ITPR1: variants seen among roughly 807,000 people sequenced by gnomAD.
ITPR1 encodes inositol 1,4,5-trisphosphate-gated calcium channel ITPR1.
In ITPR1, 96 loss-of-function variants were observed where a neutral mutation model predicts 318.4. The observed-to-expected ratio is 0.30, with a 90% CI of 0.26 to 0.36. The LOEUF is 0.36. ITPR1 is among the 10% of genes least tolerant of loss of function. The probability of loss-of-function intolerance (pLI) is 1.00; values close to 1 mark genes in which losing one functional copy is unlikely to be tolerated. For synonymous variants in ITPR1, 1,312 were observed against 1,289.9 expected, an observed-to-expected ratio of 1.02 and a Z score of -0.37; for missense variants, 2,440 against 3,460.2, an observed-to-expected ratio of 0.71 and a Z score of 7.40.
At chr3:4,709,740 T>A (rs941389600) in intron 37 of ITPR1, among the ~76,000 whole-genome samples, 1 of 152,256 alleles carries the variant, frequency 6.6e-6, no homozygotes, top group African/African-American at 2.4e-5. Context: ...GTACATGTAT[T>A]TAGCATGTTG....
chr3:4,808,115 G>A (rs1408745870), intron 55 of ITPR1, among the ~76,000 whole-genome samples: 2 of 152,220 alleles, frequency 1.3e-5, no homozygotes, highest in African/African-American at 2.4e-5. Flanking sequence ...ATGGTGAGAG[G>A]AACACAGTCC....
At position 4,685,164 on chromosome 3, in the gene ITPR1, G is replaced by T; in HGVS notation, c.3660G>T (p.Ala1220=). The change falls in exon 30 of 62, where the codon GCG becomes GCT. Residue 1220 remains alanine, a synonymous_variant. Coordinates refer to ENST00000649015, the MANE Select transcript of ITPR1 (RefSeq NM_001378452.1). ...AGCGTCTGCTCCGGAACATGGGCGC[G>T]CACGCCGTGGTGCTGGAGCTGCTGC... is the stretch of plus-strand genomic sequence containing the variant. ...QQQRLLRNMG[A]HAVVLELLQI... is the part of the protein sequence containing the mutation. The T allele has an allele frequency of 1.2e-6, 2 of 1,606,872 alleles. No homozygotes were observed. The highest frequency in any genetic ancestry group is 1.1e-5 in the South Asian group (1 of 89,954).
intron 5 of ITPR1, among the ~76,000 whole-genome samples, chr3:4,636,112 G>T (rs2093181298): frequency 1.3e-5 from 2 of 152,126 alleles, no homozygotes; most frequent in African/African-American, 4.8e-5. Context: ...CGCCCAAAGT[G>T]CTGGGATTAC....
At chr3:4,615,373 C>CTT (rs11330102) in intron 4 of ITPR1, among the ~76,000 whole-genome samples, 9 of 122,810 alleles carry the variant, frequency 7.3e-5, no homozygotes, top group Non-Finnish European at 1.2e-4. Context: ...TGATTTCTTT[C>CTT]TTTTTTTTTT....
intron 17 of ITPR1, 90 bp downstream of exon 17, chr3:4,665,386 A>C: frequency 8.3e-7 from 1 of 1,198,786 alleles, no homozygotes. Flanking sequence ...TCACATGTCT[A>C]TTTATAGAAT....
intron 51 of ITPR1, among the ~76,000 whole-genome samples, chr3:4,787,514 G>C (rs7611657): frequency 0.62 from 91,769 of 147,198 alleles, 29,050 homozygotes; most frequent in East Asian, 0.89. Context: ...GGCCAACATA[G>C]TAAAACCCTG....
chr3:4,518,905 A>C (rs1272276848), intron 3 of ITPR1, among the ~76,000 whole-genome samples: 3 of 152,234 alleles, frequency 2.0e-5, no homozygotes, highest in Non-Finnish European at 4.4e-5. Context: ...CAATATAGCA[A>C]GAACCCTGTC....
intron 61 of ITPR1, among the ~76,000 whole-genome samples, chr3:4,841,758 G>A (rs774485807): frequency 2.4e-4 from 36 of 152,328 alleles, no homozygotes; most frequent in Non-Finnish European, 1.9e-4. Flanking sequence ...TGGTTTCAAA[G>A]CCTGAGTAAG....
intron 40 of ITPR1, among the ~76,000 whole-genome samples, chr3:4,722,419 C>T (rs2042228418): frequency 6.6e-6 from 1 of 152,106 alleles, no homozygotes; most frequent in Non-Finnish European, 1.5e-5. Flanking sequence ...GAGCCCGTGC[C>T]CTCAAAATGT....
chr3:4,759,884 G>A (rs1229441963), intron 44 of ITPR1, among the ~76,000 whole-genome samples: 1 of 152,196 alleles, frequency 6.6e-6, no homozygotes, highest in Non-Finnish European at 1.5e-5. Flanking sequence ...CCTGTCCAGT[G>A]GATTCAGGAT....
At chr3:4,567,602 A>AG (rs968964022) in intron 4 of ITPR1, among the ~76,000 whole-genome samples, 2 of 106,566 alleles carry the variant, frequency 1.9e-5, no homozygotes, top group Non-Finnish European at 4.2e-5. Context: ...CGCTTGAGCT[A>AG]GTTTTTTTTG....
chr3:4,584,545 C>T (rs1382434542), intron 4 of ITPR1, among the ~76,000 whole-genome samples: 2 of 129,710 alleles, frequency 1.5e-5, no homozygotes, highest in South Asian at 5.6e-4. Flanking sequence ...TCTCTTTGCC[C>T]AGAGAGTTAG....
At chr3:4,496,905 G>A (rs2080624478) in intron 2 of ITPR1, among the ~76,000 whole-genome samples, 1 of 152,158 alleles carries the variant, frequency 6.6e-6, no homozygotes, top group Admixed American at 6.5e-5. Flanking sequence ...ATAAAAGTAG[G>A]CCTGGAGTTA....
At chr3:4,548,906 G>A (rs2085287743) in intron 4 of ITPR1, among the ~76,000 whole-genome samples, 1 of 152,102 alleles carries the variant, frequency 6.6e-6, no homozygotes, top group Non-Finnish European at 1.5e-5. Flanking sequence ...GAAGATCTGG[G>A]TTATTCTCCC....
chr3:4,589,766 A>T (rs1313251023), intron 4 of ITPR1, among the ~76,000 whole-genome samples: 849 of 78,346 alleles, frequency 0.011, 12 homozygotes, highest in African/African-American at 0.055. Flanking sequence ...AGAAGAATTA[A>T]AAAAAAAAAT....
rs199890939 is a variant in ITPR1 at position 4,782,679 on chromosome 3, G to A, written c.6448G>A (p.Gly2150Ser). 94 of 1,603,954 alleles carry A rather than the reference G, an allele frequency of 5.9e-5. No homozygotes were observed. The highest frequency in any genetic ancestry group is 6.8e-5 in the Non-Finnish European group (80 of 1,174,660). Reference protein sequence around the residue: ...GEVEFEDGENGEDGAASPRNV... With the variant: ...GEVEFEDGENSEDGAASPRNV... Reference sequence around the variant, plus strand: ...AGTGGAATTTGAGGATGGAGAAAACGGTGAGGATGGGGCGGCGTCCCCCAG... The same window carrying A: ...AGTGGAATTTGAGGATGGAGAAAACAGTGAGGATGGGGCGGCGTCCCCCAG... Residue 2150 changes from glycine (G) to serine (S), a missense_variant, in exon 50 of 62, where the codon GGT (glycine) becomes AGT (serine). Coordinates refer to ENST00000649015, the MANE Select transcript of ITPR1 (RefSeq NM_001378452.1).
At chr3:4,655,413 A>C (rs1189994620) in intron 12 of ITPR1, among the ~76,000 whole-genome samples, 1 of 152,144 alleles carries the variant, frequency 6.6e-6, no homozygotes, top group Non-Finnish European at 1.5e-5. Context: ...GGAAGAGTGC[A>C]GTTTAAATAC....
At chr3:4,508,893 T>C (rs574589346) in intron 2 of ITPR1, among the ~76,000 whole-genome samples, 1 of 152,340 alleles carries the variant, frequency 6.6e-6, no homozygotes, top group African/African-American at 2.4e-5. Context: ...AGCCACCTCG[T>C]GGGCTTACAG....
chr3:4,551,726 TAACA>T (rs1442915909), intron 4 of ITPR1, among the ~76,000 whole-genome samples: 2 of 152,254 alleles, frequency 1.3e-5, no homozygotes, highest in African/African-American at 4.8e-5. Flanking sequence ...ATAGTACTTT[TAACA>T]GTTTCTAAAG....
Sources: allele counts gnomAD v4.1 joint callset (sites outside exome capture counted in the v4.1 genomes callset), GRCh38; gene constraint gnomAD v4.1.1; transcripts MANE v1.5; gene names NCBI Gene and HGNC (gene_info 2026-07-23, HGNC 2026-07-21).